The following SMIM13 variants were observed in gnomAD, a reference collection of about 807,000 sequenced individuals.
SMIM13 encodes small integral membrane protein 13, also known as UPF0766 protein C6orf228.
In SMIM13, 3 loss-of-function variants were observed where a neutral mutation model predicts 5.9. The observed-to-expected ratio is 0.51, with a 90% CI of 0.23 to 1.31. The LOEUF is 1.31. SMIM13 is among the 40% of genes most tolerant of loss of function. The pLI is 0.18. For synonymous variants in SMIM13, 55 were observed against 46.0 expected (o/e 1.19, Z -0.79); for missense variants, 85 against 109.9 (o/e 0.77, Z 1.01).
chr6:11,114,533 G>C (rs919326243), intron 1 of SMIM13, among the ~76,000 whole-genome samples: 1 of 128,244 alleles, frequency 7.8e-6, no homozygotes, highest in African/African-American at 3.2e-5. Flanking sequence ...ATCAGGAGTG[G>C]ATATTGGATT....
At chr6:11,099,725 A>G (rs1419174092) in intron 1 of SMIM13, among the ~76,000 whole-genome samples, 1 of 152,228 alleles carries the variant, frequency 6.6e-6, no homozygotes, top group Non-Finnish European at 1.5e-5. Flanking sequence ...GTTTATTTCA[A>G]TTCTGTTACT....
At chr6:11,131,984 G>A (rs192178253) in intron 1 of SMIM13, among the ~76,000 whole-genome samples, 195 of 152,152 alleles carry the variant, frequency 1.3e-3, no homozygotes, top group African/African-American at 4.1e-3. Flanking sequence ...GTGAAAAGCC[G>A]GCCCACAGAA....
Position 11,094,200 on chromosome 6 carries a change from C to A in SMIM13, c.-114C>A. Reference sequence around the variant, plus strand: ...GAGGGGGCGCCAGCCGCCCATGCCGCCCCGGCGCCCAGCCGCGCCTGGCGC... The same window carrying A: ...GAGGGGGCGCCAGCCGCCCATGCCGACCCGGCGCCCAGCCGCGCCTGGCGC... On this transcript the variant is annotated 5_prime_UTR_variant, in exon 1 of 2. Transcript: ENST00000416247. 3.1e-6 allele frequency: 1 copy of A among 325,528 alleles called. No homozygotes were observed. The highest frequency in any genetic ancestry group is 4.4e-6 in the Non-Finnish European group (1 of 226,320). 20.2% of individuals were successfully genotyped at this position (325,528 alleles called of 1,614,324 possible).
intron 1 of SMIM13, among the ~76,000 whole-genome samples, chr6:11,116,120 C>T (rs1479194611): frequency 1.4e-5 from 2 of 145,130 alleles, no homozygotes; most frequent in Non-Finnish European, 3.0e-5. Flanking sequence ...CAGGTTCAAG[C>T]GATTCTCGTG....
In SMIM13 at chr6:11,135,783, G is replaced by C. The variant is rs1369253700; in HGVS notation, c.*1181G>C. ...AAAAATCTGTTTAACTCAAAGCGCT[G>C]TTTCAATAAATATAAACATTTTCTG... On this transcript the variant is annotated 3_prime_UTR_variant, in exon 2 of 2. Coordinates refer to ENST00000416247, the MANE Select transcript of SMIM13 (RefSeq NM_001135575.2). 6.6e-6 allele frequency: 1 copy of C among 152,224 alleles called. No individual in the cohort carries two copies. Among genetic ancestry groups the C allele is most frequent in the African/African-American group, 2.4e-5 (1 of 41,442 alleles). 9.4% of individuals were successfully genotyped at this position (152,224 alleles called of 1,614,324 possible).
intron 1 of SMIM13, among the ~76,000 whole-genome samples, chr6:11,112,506 G>T (rs1758183436): frequency 6.6e-6 from 1 of 152,102 alleles, no homozygotes; most frequent in Non-Finnish European, 1.5e-5. Context: ...GCTGTCCTTG[G>T]CCTCCCAAAG....
chr6:11,095,434 C>G (rs986430907), intron 1 of SMIM13, among the ~76,000 whole-genome samples: 3 of 152,168 alleles, frequency 2.0e-5, no homozygotes, highest in Non-Finnish European at 4.4e-5. Flanking sequence ...CAACCTCTGC[C>G]TCCTGGGTTT....
intron 1 of SMIM13, chr6:11,111,661 CG>C (rs1386812099): frequency 1.3e-5 from 2 of 152,276 alleles, no homozygotes; most frequent in African/African-American, 4.8e-5. Context: ...GAAGGCAAGG[CG>C]TAGAGGTGTC....
At chr6:11,104,244 G>A (rs1308927363) in intron 1 of SMIM13, 37 of 1,551,566 alleles carry the variant, frequency 2.4e-5, no homozygotes, top group Non-Finnish European at 3.2e-5. Flanking sequence ...CGCGAGAAGG[G>A]GAATGAAATG....
chr6:11,103,755 T>C, intron 1 of SMIM13: 1 of 1,551,628 alleles, frequency 6.4e-7, no homozygotes, highest in Non-Finnish European at 8.7e-7. Flanking sequence ...CGTCTGGAGC[T>C]TTATGGCCTG....
Position 11,120,817 on chromosome 6 carries a change from C to G in SMIM13, c.77-13586C>G, listed in dbSNP as rs528808254. Among the ~76,000 whole-genome samples, 5 of 152,272 alleles carry G rather than the reference C, an allele frequency of 3.3e-5. No individual in the cohort carries two copies. In the South Asian group the frequency reaches 6.2e-4, roughly 19 times the overall value. Reference sequence around the variant, plus strand: ...GGGAATAATGATTGCTGGTCTCATTCAGATGGGTCGTGTAAAAGCACAGTG... The same window carrying G: ...GGGAATAATGATTGCTGGTCTCATTGAGATGGGTCGTGTAAAAGCACAGTG... On this transcript the variant is annotated intron_variant, in intron 1 of 1. Coordinates refer to ENST00000416247, the MANE Select transcript of SMIM13 (RefSeq NM_001135575.2).
chr6:11,106,684 G>A (rs190891401), intron 1 of SMIM13, among the ~76,000 whole-genome samples: 66 of 152,298 alleles, frequency 4.3e-4, no homozygotes, highest in Non-Finnish European at 7.9e-4. Context: ...GATGAGCAAG[G>A]CCCCCATGAA....
At chr6:11,100,794 T>C (rs1177399749) in intron 1 of SMIM13, among the ~76,000 whole-genome samples, 2 of 152,216 alleles carry the variant, frequency 1.3e-5, no homozygotes, top group Non-Finnish European at 2.9e-5. Flanking sequence ...ATTTCTTGCT[T>C]CTAGGTCTGG....
At chr6:11,101,998 A>G (rs913326072) in intron 1 of SMIM13, among the ~76,000 whole-genome samples, 7 of 152,136 alleles carry the variant, frequency 4.6e-5, no homozygotes, top group Admixed American at 2.0e-4. Flanking sequence ...TCAGCCTCCC[A>G]AAGTGCTGGG....
In SMIM13 at chr6:11,094,245, C is replaced by G; in HGVS notation, c.-69C>G. 4 of 957,676 alleles carry G rather than the reference C, an allele frequency of 4.2e-6. No homozygotes were observed. The highest frequency in any genetic ancestry group is 5.4e-6 in the Non-Finnish European group (4 of 745,802). 59.3% of individuals were successfully genotyped at this position (957,676 alleles called of 1,614,324 possible). On this transcript the variant is annotated 5_prime_UTR_variant, in exon 1 of 2. Coordinates refer to ENST00000416247, the MANE Select transcript of SMIM13 (RefSeq NM_001135575.2). ...TGGCGCCCGCCGCTGAAGCGCAGGA[C>G]GCGCCGCCGCCCGCGCTCACCGCCG...
At chr6:11,119,506 T>C (rs561458092) in intron 1 of SMIM13, among the ~76,000 whole-genome samples, 1 of 152,064 alleles carries the variant, frequency 6.6e-6, no homozygotes, top group African/African-American at 2.4e-5. Context: ...CACAAAAAAT[T>C]AGCCAGGCGT....
At chr6:11,130,536 G>C (rs541309921) in intron 1 of SMIM13, among the ~76,000 whole-genome samples, 1 of 152,266 alleles carries the variant, frequency 6.6e-6, no homozygotes, top group East Asian at 1.9e-4. Flanking sequence ...AGGGTGGGGA[G>C]GGGAGTGGTG....
chr6:11,104,386 G>A, intron 1 of SMIM13: 1 of 1,551,676 alleles, frequency 6.4e-7, no homozygotes, highest in Non-Finnish European at 8.7e-7. Flanking sequence ...TTACTGGGGA[G>A]GCATTGGTGA....
chr6:11,136,193 C>G lies in SMIM13; in HGVS notation c.*1591C>G, dbSNP rs967209823. The G allele has an allele frequency of 2.0e-5, 3 of 152,122 alleles. No individual in the cohort carries two copies. In the South Asian group the frequency reaches 6.2e-4, roughly 31 times the overall value. The allele number at this position is 152,122 out of a possible 1,614,324, so 9.4% of individuals were successfully genotyped here. ...CACAAACAATTCAGTGACAAGACCT[C>G]AAAGGTAATGCGTATTGAGGAAAAC... On this transcript the variant is annotated 3_prime_UTR_variant, in exon 2 of 2. Transcript: ENST00000416247.
Sources: gnomAD v4.1 joint callset for allele counts (sites outside exome capture counted in the v4.1 genomes callset) on GRCh38, gnomAD v4.1.1 for gene constraint, MANE v1.5 for transcripts, NCBI Gene and HGNC (gene_info 2026-07-23, HGNC 2026-07-21) for gene names.